Variants in CTNNA2 observed in about 807,000 individuals in gnomAD.
CTNNA2 encodes catenin alpha 2.
CTNNA2 carries 42 observed loss-of-function variants against 101.0 expected under a neutral mutation model. That is an observed-to-expected ratio of 0.42 (90% CI 0.32 to 0.54). The LOEUF (loss-of-function observed/expected upper bound fraction) is 0.54, where lower values mean the gene tolerates loss of function less well. Ranked by LOEUF, CTNNA2 falls within the 20% of genes least tolerant of loss-of-function variation. The probability of loss-of-function intolerance (pLI) is 0.14; values close to 1 mark genes in which losing one functional copy is unlikely to be tolerated. For synonymous variants in CTNNA2, 450 were observed against 456.4 expected (o/e 0.99, Z 0.18); for missense variants, 871 against 1,223.1 (o/e 0.71, Z 4.29).
At chr2:80,367,640 A>G (rs1675059210) in intron 7 of CTNNA2, among the ~76,000 whole-genome samples, 1 of 152,076 alleles carries the variant, frequency 6.6e-6, no homozygotes, top group Non-Finnish European at 1.5e-5. Context: ...CTTGGTAAAA[A>G]CCAGCATTAT....
chr2:79,956,789 T>G (rs2104514012), intron 7 of CTNNA2, among the ~76,000 whole-genome samples: 1 of 148,832 alleles, frequency 6.7e-6, no homozygotes, highest in East Asian at 2.0e-4. Context: ...CAATGTCTTA[T>G]CCAGAGAGTT....
chr2:79,531,191 C>T (rs1302280021), intron 1 of CTNNA2, among the ~76,000 whole-genome samples: 7 of 115,790 alleles, frequency 6.0e-5, no homozygotes, highest in South Asian at 3.1e-4. Flanking sequence ...TAAATAGATA[C>T]GCTCATATAT....
intron 2 of CTNNA2, among the ~76,000 whole-genome samples, chr2:79,729,230 C>A (rs11693318): frequency 0.19 from 29,349 of 152,080 alleles, 2,999 homozygotes; most frequent in Middle Eastern, 0.24. Flanking sequence ...GGCACCCTTT[C>A]CCCTTGTGGT....
intron 2 of CTNNA2, among the ~76,000 whole-genome samples, chr2:79,242,989 T>TACACACACAC (rs1443193633): frequency 5.4e-5 from 5 of 92,108 alleles, no homozygotes; most frequent in African/African-American, 1.7e-4. Context: ...TATATATATA[T>TACACACACAC]ATATACACAC....
chr2:80,163,051 C>T, intron 7 of CTNNA2: 3 of 1,564,244 alleles, frequency 1.9e-6, no homozygotes, highest in Non-Finnish European at 2.6e-6. Flanking sequence ...AGATTCATTG[C>T]ATAAGGAACA....
chr2:80,306,450 T>TCTCTC, intron 7 of CTNNA2, among the ~76,000 whole-genome samples: 1 of 125,028 alleles, frequency 8.0e-6, no homozygotes, highest in African/African-American at 2.8e-5. Context: ...CTTTCTTTCT[T>TCTCTC]TCTCTCTCTC....
At chr2:79,988,823 A>G (rs7566821) in intron 7 of CTNNA2, among the ~76,000 whole-genome samples, 4,922 of 152,326 alleles carry the variant, frequency 0.032, 253 homozygotes, top group African/African-American at 0.11. Context: ...TCTTTCGATC[A>G]AATGTTGCAT....
intron 4 of CTNNA2, among the ~76,000 whole-genome samples, chr2:79,440,398 T>C (rs909384201): frequency 3.9e-5 from 6 of 152,142 alleles, no homozygotes; most frequent in Non-Finnish European, 8.8e-5. Context: ...GCCATTGCTG[T>C]GTGGTGATTC....
chr2:79,278,317 T>C (rs1675266817), intron 2 of CTNNA2, among the ~76,000 whole-genome samples: 1 of 152,064 alleles, frequency 6.6e-6, no homozygotes, highest in East Asian at 1.9e-4. Flanking sequence ...TCTAACTTAG[T>C]TTTCTGTATT....
At chr2:79,511,839 C>T (rs1484451970), upstream of CTNNA2, among the ~76,000 whole-genome samples, 5 of 152,124 alleles carry the variant, frequency 3.3e-5, no homozygotes, top group Non-Finnish European at 7.3e-5. Context: ...TTAAAAAATG[C>T]ATGCACTAAG....
At chr2:80,502,731 C>A (rs979922514) in intron 9 of CTNNA2, among the ~76,000 whole-genome samples, 1 of 152,148 alleles carries the variant, frequency 6.6e-6, no homozygotes, top group Admixed American at 6.6e-5. Flanking sequence ...TGTGTACCCT[C>A]GTGGTTTTTA....
chr2:79,413,321 G>T (rs1385676036), intron 4 of CTNNA2, among the ~76,000 whole-genome samples: 1 of 151,978 alleles, frequency 6.6e-6, no homozygotes, highest in Non-Finnish European at 1.5e-5. Flanking sequence ...ATCTTTTTGT[G>T]CCTGTCTTAT....
intron 9 of CTNNA2, among the ~76,000 whole-genome samples, chr2:80,514,659 C>A (rs1034645622): frequency 6.6e-6 from 1 of 151,960 alleles, no homozygotes; most frequent in Non-Finnish European, 1.5e-5. Flanking sequence ...TGAAGTCAGG[C>A]CGTCTCTGGC....
chr2:79,351,843 A>G (rs971315694), intron 3 of CTNNA2, among the ~76,000 whole-genome samples: 15 of 152,198 alleles, frequency 9.9e-5, no homozygotes, highest in African/African-American at 3.4e-4. Flanking sequence ...CCATTGATGA[A>G]CATCGTATTT....
At chr2:79,389,449 A>G (rs180865191) in intron 4 of CTNNA2, among the ~76,000 whole-genome samples, 34 of 152,342 alleles carry the variant, frequency 2.2e-4, no homozygotes, top group African/African-American at 6.7e-4. Context: ...GCACTAAGCA[A>G]TGTTCATAAA....
intron 4 of CTNNA2, among the ~76,000 whole-genome samples, chr2:79,409,746 T>G (rs1301065677): frequency 6.7e-6 from 1 of 148,472 alleles, no homozygotes; most frequent in Non-Finnish European, 1.5e-5. Context: ...TGCCTCCAGC[T>G]TTGTTCTTTT....
chr2:79,666,536 A>G (rs1682431036), intron 2 of CTNNA2, among the ~76,000 whole-genome samples: 1 of 152,160 alleles, frequency 6.6e-6, no homozygotes, highest in Non-Finnish European at 1.5e-5. Context: ...TCATCTGTTC[A>G]TTGTAGTTCG....
intron 7 of CTNNA2, among the ~76,000 whole-genome samples, chr2:80,243,730 G>A (rs191951115): frequency 1.3e-5 from 2 of 152,328 alleles, no homozygotes; most frequent in East Asian, 1.9e-4. Context: ...AGGGGCATTT[G>A]TGTACAAGTT....
At chr2:79,708,303 C>T (rs935608400) in intron 2 of CTNNA2, among the ~76,000 whole-genome samples, 12 of 152,156 alleles carry the variant, frequency 7.9e-5, no homozygotes, top group Non-Finnish European at 1.3e-4. Context: ...TTAGTTAACA[C>T]CCCCAGTAAG....
Sources: gnomAD v4.1 joint callset for allele counts (sites outside exome capture counted in the v4.1 genomes callset) on GRCh38, gnomAD v4.1.1 for gene constraint, MANE v1.5 for transcripts, NCBI Gene and HGNC (gene_info 2026-07-23, HGNC 2026-07-21) for gene names.